The following TAFA2 variants were observed in gnomAD, a reference collection of about 807,000 sequenced individuals.
TAFA2 encodes the protein TAFA chemokine like family member 2, also known as chemokine-like protein TAFA-2.
A neutral mutation model predicts 18.8 loss-of-function variants in TAFA2; 7 were observed. The ratio of observed to expected loss-of-function variants is 0.37; its 90% confidence interval spans 0.21 to 0.70. The LOEUF is 0.70. Among genes scored for constraint, TAFA2 ranks in the 30% least tolerant of loss-of-function variants. The pLI is 0.53. For synonymous variants in TAFA2, 60 were observed against 54.2 expected (o/e 1.11, Z -0.47); for missense variants, 122 against 158.1 (o/e 0.77, Z 1.23).
chr12:61,799,766 G>A (rs1368270959), intron 2 of TAFA2, among the ~76,000 whole-genome samples: 1 of 152,146 alleles, frequency 6.6e-6, no homozygotes, highest in African/African-American at 2.4e-5. Flanking sequence ...AGCTTGCAGT[G>A]AGCCGAGATT....
chr12:61,761,555 A>G (rs577276989), intron 2 of TAFA2, among the ~76,000 whole-genome samples: 1 of 152,216 alleles, frequency 6.6e-6, no homozygotes, highest in Admixed American at 6.6e-5. Context: ...CCATTTATGA[A>G]ATAATGGTGA....
At chr12:61,816,487 A>G (rs578260207) in intron 2 of TAFA2, among the ~76,000 whole-genome samples, 2 of 151,386 alleles carry the variant, frequency 1.3e-5, no homozygotes, top group South Asian at 4.1e-4. Flanking sequence ...GAACATTTGC[A>G]TGCATGTGTC....
intron 1 of TAFA2, chr12:62,235,566 A>C (rs1382064877): frequency 8.7e-6 from 3 of 345,862 alleles, no homozygotes; most frequent in Admixed American, 4.8e-5. Flanking sequence ...GGAGCAACCC[A>C]CCACGGCATC....
intron 1 of TAFA2, among the ~76,000 whole-genome samples, chr12:62,182,347 G>A (rs537160487): frequency 7.2e-5 from 11 of 152,302 alleles, no homozygotes; most frequent in Admixed American, 7.2e-4. Context: ...TGAGAAAAAT[G>A]TTTGGAGTCA....
chr12:61,875,936 T>C (rs4763175), intron 1 of TAFA2, among the ~76,000 whole-genome samples: 107,424 of 151,990 alleles, frequency 0.71, 38,214 homozygotes, highest in East Asian at 0.79. Flanking sequence ...AGGACCATTA[T>C]ATAGAATAAG....
intron 1 of TAFA2, among the ~76,000 whole-genome samples, chr12:62,146,438 C>T: frequency 6.6e-6 from 1 of 152,064 alleles, no homozygotes; most frequent in East Asian, 1.9e-4. Flanking sequence ...CATGCCACCA[C>T]AACCAGCTAA....
intron 2 of TAFA2, among the ~76,000 whole-genome samples, chr12:61,769,395 T>C (rs924968787): frequency 2.6e-5 from 4 of 151,834 alleles, no homozygotes; most frequent in African/African-American, 9.7e-5. Context: ...GCTGATGCTC[T>C]CTTGAAAGCA....
chr12:61,900,706 T>C (rs528140965), intron 1 of TAFA2, among the ~76,000 whole-genome samples: 1 of 152,060 alleles, frequency 6.6e-6, no homozygotes, highest in Non-Finnish European at 1.5e-5. Flanking sequence ...CCATGACATG[T>C]GGGGATTATG....
At chr12:62,130,633 G>A (rs1272298915) in intron 1 of TAFA2, among the ~76,000 whole-genome samples, 4 of 151,862 alleles carry the variant, frequency 2.6e-5, no homozygotes, top group Non-Finnish European at 2.9e-5. Context: ...CTATGTGGCA[G>A]GCACTGTGCT....
chr12:62,205,840 C>A lies in TAFA2; in HGVS notation c.-130+52923G>T, dbSNP rs913702494. Among the ~76,000 whole-genome samples the A allele has an allele frequency of 3.2e-4, 48 of 152,266 alleles. 1 individual carries two copies. Among genetic ancestry groups the A allele is most frequent in the Admixed American group, 1.7e-3 (26 of 15,308 alleles). The stretch of plus-strand genomic sequence containing the variant: ...ATGTACACAGTTCTGTGTTTGGGAT[C>A]CAAGGCCCTGGTGGCATGGGCTCAC... On this transcript the variant is annotated intron_variant, in intron 1 of 5. Coordinates refer to the TAFA2 transcript ENST00000551619.
At chr12:62,177,277 T>C (rs2062520535) in intron 1 of TAFA2, among the ~76,000 whole-genome samples, 1 of 152,212 alleles carries the variant, frequency 6.6e-6, no homozygotes, top group African/African-American at 2.4e-5. Flanking sequence ...CTTTCATCCA[T>C]GGCTCTCTCT....
chr12:62,059,171 A>G (rs9668859), intron 1 of TAFA2, among the ~76,000 whole-genome samples: 435 of 35,478 alleles, frequency 0.012, 2 homozygotes, highest in African/African-American at 0.034. Context: ...GTGTGTGTGT[A>G]TCTGAGTGTT....
intron 4 of TAFA2, among the ~76,000 whole-genome samples, chr12:61,738,843 G>T (rs1458458290): frequency 6.6e-6 from 1 of 152,152 alleles, no homozygotes; most frequent in East Asian, 1.9e-4. Context: ...GTTTAAGTAT[G>T]AATAGAGATA....
chr12:61,879,259 C>T, intron 1 of TAFA2: 1 of 410,312 alleles, frequency 2.4e-6, no homozygotes, highest in Non-Finnish European at 4.4e-6. Flanking sequence ...GCAGCTTCTC[C>T]ACTCCTTCTC....
intron 2 of TAFA2, among the ~76,000 whole-genome samples, chr12:61,828,492 A>C (rs540591600): frequency 1.1e-4 from 16 of 151,972 alleles, no homozygotes; most frequent in Admixed American, 6.6e-5. Context: ...CATGGTAATA[A>C]AGTGTGGTCT....
intron 1 of TAFA2, among the ~76,000 whole-genome samples, chr12:62,157,084 G>C (rs963248243): frequency 2.0e-4 from 30 of 152,186 alleles, no homozygotes; most frequent in African/African-American, 6.7e-4. Context: ...TATGCAGTTT[G>C]TGAATTAAAA....
At chr12:62,131,206 A>AT (rs1245398917) in intron 1 of TAFA2, among the ~76,000 whole-genome samples, 1 of 151,932 alleles carries the variant, frequency 6.6e-6, no homozygotes, top group Non-Finnish European at 1.5e-5. Flanking sequence ...GTCAGAGCCC[A>AT]TCCTCTGCTA....
chr12:62,249,799 AAG>A (rs1565788265), intron 1 of TAFA2, among the ~76,000 whole-genome samples: 2 of 152,318 alleles, frequency 1.3e-5, no homozygotes, highest in East Asian at 3.9e-4. Context: ...CTTTAAGAGC[AAG>A]AGTTTCCATC....
chr12:62,202,116 T>A (rs2062673356), intron 1 of TAFA2, among the ~76,000 whole-genome samples: 1 of 152,130 alleles, frequency 6.6e-6, no homozygotes, highest in African/African-American at 2.4e-5. Context: ...TGTGTCTATT[T>A]TATTCTTCTC....
Sources: gnomAD v4.1 joint callset for allele counts (sites outside exome capture counted in the v4.1 genomes callset) on GRCh38, gnomAD v4.1.1 for gene constraint, MANE v1.5 for transcripts, NCBI Gene and HGNC (gene_info 2026-07-23, HGNC 2026-07-21) for gene names.